Variants in MAST4 observed in about 807,000 individuals in gnomAD.
MAST4 encodes microtubule associated serine/threonine kinase family member 4.
MAST4 carries 89 observed loss-of-function variants against 162.7 expected under a neutral mutation model. The ratio of observed to expected loss-of-function variants is 0.55; its 90% confidence interval spans 0.46 to 0.65. MAST4 has a LOEUF of 0.65. Among genes scored for constraint, MAST4 ranks in the 30% least tolerant of loss-of-function variants. The pLI, the probability that MAST4 is intolerant of heterozygous loss-of-function variation, is 0.00. For synonymous variants in MAST4, 1,479 were observed against 1,361.1 expected (o/e 1.09, Z -1.91); for missense variants, 3,153 against 3,374.0 (o/e 0.93, Z 1.62).
At chr5:66,885,406 A>G (rs893739053) in intron 3 of MAST4, among the ~76,000 whole-genome samples, 1 of 152,240 alleles carries the variant, frequency 6.6e-6, no homozygotes, top group African/African-American at 2.4e-5. Flanking sequence ...AGTCTAGCAT[A>G]TTGTTCCTGG....
In MAST4 at chr5:66,968,103, A is replaced by G. The variant is rs140107917; in HGVS notation, c.674+68121A>G. Among the ~76,000 whole-genome samples the G allele has an allele frequency of 1.1e-3, 161 of 152,284 alleles. 1 individual carries two copies. The highest frequency in any genetic ancestry group is 1.9e-3 in the Non-Finnish European group (129 of 68,012). ...TTGGCACCGAGCACGCCTTGCCATC[A>G]ATAGGGACCCAGTAAGTAGCTGTAG... On this transcript the variant is annotated intron_variant, in intron 4 of 28. Transcript: ENST00000403625.
At chr5:66,835,402 G>A (rs568310087) in intron 3 of MAST4, among the ~76,000 whole-genome samples, 2 of 152,080 alleles carry the variant, frequency 1.3e-5, no homozygotes, top group South Asian at 2.1e-4. Flanking sequence ...GATAAAATTA[G>A]CCACCACTTC....
intron 5 of MAST4, among the ~76,000 whole-genome samples, chr5:67,084,014 C>T (rs1234155236): frequency 6.6e-6 from 1 of 152,104 alleles, no homozygotes; most frequent in Non-Finnish European, 1.5e-5. Flanking sequence ...TCTCAAGAAC[C>T]CATTTTAACA....
At chr5:66,724,633 C>G (rs1751407010) in intron 1 of MAST4, among the ~76,000 whole-genome samples, 1 of 152,070 alleles carries the variant, frequency 6.6e-6, no homozygotes, top group Admixed American at 6.6e-5. Context: ...TACTACATAC[C>G]TAGGCTATAT....
chr5:66,654,903 C>T (rs1746451821), intron 1 of MAST4, among the ~76,000 whole-genome samples: 1 of 151,960 alleles, frequency 6.6e-6, no homozygotes, highest in African/African-American at 2.4e-5. Context: ...TATGAATAGA[C>T]TGAGTTCTGT....
intron 3 of MAST4, among the ~76,000 whole-genome samples, chr5:66,876,161 C>A (rs188866123): frequency 1.3e-3 from 200 of 152,244 alleles, no homozygotes; most frequent in African/African-American, 4.5e-3. Flanking sequence ...AATTCTTACC[C>A]CCAGAGTGTC....
intron 4 of MAST4, among the ~76,000 whole-genome samples, chr5:66,922,610 C>T (rs967761553): frequency 6.6e-6 from 1 of 152,146 alleles, no homozygotes; most frequent in African/African-American, 2.4e-5. Flanking sequence ...AAAAAAAATA[C>T]TGTCTCTTCT....
chr5:67,147,183 C>A (rs569670586), intron 23 of MAST4, among the ~76,000 whole-genome samples: 3 of 152,226 alleles, frequency 2.0e-5, no homozygotes, highest in Admixed American at 2.0e-4. Flanking sequence ...CTCTCTCCCC[C>A]ATACGCACAC....
chr5:66,596,508 C>A lies in MAST4; in HGVS notation c.-148C>A. 2 of 1,003,994 alleles carry A rather than the reference C, an allele frequency of 2.0e-6. No homozygotes were observed. The highest frequency in any genetic ancestry group is 2.6e-6 in the Non-Finnish European group (2 of 771,868). 62.2% of individuals were successfully genotyped at this position (1,003,994 alleles called of 1,614,324 possible). ...GCAGCGGGCTCCTGCGGCCCCGTCA[C>A]TGCCATGTAGTCGCTGGCGGGGCTC... On this transcript the variant is annotated 5_prime_UTR_variant, in exon 1 of 29. In the 5' UTR this introduces an upstream ATG that the reference lacks. Coordinates refer to ENST00000403625, the MANE Select transcript of MAST4 (RefSeq NM_001164664.2).
chr5:66,772,380 G>A (rs2149639943), intron 2 of MAST4, among the ~76,000 whole-genome samples: 1 of 152,200 alleles, frequency 6.6e-6, no homozygotes, highest in Admixed American at 6.5e-5. Flanking sequence ...TAGGAAACAT[G>A]GGGAAAGGCT....
At chr5:66,876,607 T>G (rs536024918) in intron 3 of MAST4, among the ~76,000 whole-genome samples, 1 of 152,290 alleles carries the variant, frequency 6.6e-6, no homozygotes, top group Non-Finnish European at 1.5e-5. Flanking sequence ...ATGTTATAAT[T>G]AGACGATCTG....
chr5:66,936,885 C>G (rs1375207715), intron 4 of MAST4, among the ~76,000 whole-genome samples: 2 of 152,132 alleles, frequency 1.3e-5, no homozygotes, highest in Non-Finnish European at 2.9e-5. Flanking sequence ...CCAGCATCAT[C>G]TTTTTCTTAG....
rs1016819326 is a variant in MAST4, at chr5:66,596,876, G to A, written c.221G>A (p.Gly74Asp). The A allele has an allele frequency of 7.0e-5, 90 of 1,293,826 alleles. No individual in the cohort carries two copies. Among genetic ancestry groups the A allele is most frequent in the Admixed American group, 2.1e-4 (5 of 23,774 alleles). The allele number at this position is 1,293,826 out of a possible 1,614,324, so 80.1% of individuals were successfully genotyped here. The change falls in exon 1 of 29, where the codon GGC becomes GAC. Residue 74 changes from glycine to aspartate, a missense_variant. Physicochemically the swap from Gly to Asp is moderately conservative, Grantham distance 94. Coordinates refer to ENST00000403625, the MANE Select transcript of MAST4 (RefSeq NM_001164664.2). ...PPPPPLGGTL[G>D]ARAPAAWAPA... ...CCGCCGCCGTTGGGAGGCACCCTGG[G>A]CGCCCGGGCGCCCGCCGCGTGGGCT...
intron 1 of MAST4, among the ~76,000 whole-genome samples, chr5:66,602,142 A>G (rs1742595699): frequency 6.6e-6 from 1 of 152,184 alleles, no homozygotes; most frequent in Non-Finnish European, 1.5e-5. Flanking sequence ...TTGTAACTCT[A>G]GTATTGAAGG....
chr5:67,029,826 C>CT (rs1232842599), intron 4 of MAST4, among the ~76,000 whole-genome samples: 1 of 152,094 alleles, frequency 6.6e-6, no homozygotes, highest in Admixed American at 6.6e-5. Flanking sequence ...AAATTCATTG[C>CT]TGTTGACTTT....
In MAST4 at chr5:67,144,730, A is replaced by G. The variant is rs114139516; in HGVS notation, c.2792A>G (p.Asp931Gly). The G allele has an allele frequency of 5.0e-4, 814 of 1,613,986 alleles. 9 individuals are homozygous for G. The South Asian group carries it at 7.0e-3, about 14-fold the overall frequency. ...GCAGAAGAGAAGGAAGACTCTGTGG[A>G]CAAAACCAAAAGCACCACCTTGCCA... ...NSAEEKEDSVDKTKSTTLPST... is the reference protein window; with the variant it reads ...NSAEEKEDSVGKTKSTTLPST... Residue 931 changes from aspartate (D) to glycine (G), a missense_variant, in exon 22 of 29, where the codon GAC becomes GGC. Asp to Gly is a moderately conservative substitution (Grantham distance 94). Around this residue, in one of 7 missense-constraint regions of MAST4, gnomAD observed 619 missense variants for 744.2 expected, o/e 0.83. Transcript: ENST00000403625.
chr5:66,649,997 A>T (rs144591557), intron 1 of MAST4, among the ~76,000 whole-genome samples: 2 of 152,078 alleles, frequency 1.3e-5, no homozygotes, highest in African/African-American at 4.8e-5. Context: ...TTCTTTTTCA[A>T]ATGGCAGTCT....
intron 1 of MAST4, among the ~76,000 whole-genome samples, chr5:66,734,294 G>A (rs10515020): frequency 0.029 from 4,438 of 152,226 alleles, 107 homozygotes; most frequent in Non-Finnish European, 0.044. Flanking sequence ...ATAGATATTA[G>A]GAACTTGGTA....
Position 67,160,562 on chromosome 5 carries a change from A to G in MAST4, c.3755A>G (p.Lys1252Arg), listed in dbSNP as rs761118354. Residue 1252 changes from lysine to arginine, a missense_variant, in exon 27 of 29, where the codon AAG (lysine) becomes AGG (arginine). Transcript: ENST00000403625. ...AAGAGCCGGATGGTGAGGCGGAGCA[A>G]GAAATCCAAGAAGAAAGAAAGTCTC... ...SYKSRMVRRS[K>R]KSKKKESLER... is the part of the protein sequence containing the mutation. 5.0e-6 allele frequency: 8 copies of G among 1,613,590 alleles called. No individual in the cohort carries two copies. In the South Asian group the frequency reaches 6.6e-5, roughly 13 times the overall value.
Sources: allele counts gnomAD v4.1 joint callset (sites outside exome capture counted in the v4.1 genomes callset), GRCh38; gene constraint gnomAD v4.1.1; regional missense constraint gnomAD v4.1.1; transcripts MANE v1.5; gene names NCBI Gene and HGNC (gene_info 2026-07-23, HGNC 2026-07-21).